Variants in SULF2 observed in about 807,000 individuals in gnomAD.
The protein encoded by SULF2 is extracellular sulfatase Sulf-2.
A neutral mutation model predicts 107.7 loss-of-function variants in SULF2; 52 were observed. The observed-to-expected ratio is 0.48, with a 90% CI of 0.39 to 0.61. The LOEUF (loss-of-function observed/expected upper bound fraction) is 0.61. Ranked by LOEUF, SULF2 falls within the 20% of genes least tolerant of loss-of-function variation. The pLI, the probability that SULF2 is intolerant of heterozygous loss-of-function variation, is 0.00. For synonymous variants in SULF2, 460 were observed against 464.3 expected (o/e 0.99, Z 0.12); for missense variants, 993 against 1,177.3 (o/e 0.84, Z 2.29).
At position 47,736,575 on chromosome 20, in the gene SULF2, A is replaced by C. The variant is rs2089735061; in HGVS notation, c.415+128T>G. On this transcript the variant is annotated intron_variant, in intron 3 of 20. Transcript: ENST00000688720. The stretch of plus-strand genomic sequence containing the variant: ...ACAGAAATAAATGCACAACTCTGAA[A>C]TTATAAGAGAGTTGCTCTAGGGGCT... The C allele has an allele frequency of 5.4e-6, 7 of 1,284,618 alleles. No individual in the cohort carries two copies. The South Asian group carries it at 8.9e-5, about 16-fold the overall frequency. 79.6% of individuals were successfully genotyped at this position (1,284,618 alleles called of 1,614,324 possible). A position where few individuals can be genotyped will look rare whatever the true frequency, so the allele number is the denominator to read the frequency against.
At chr20:47,667,351 G>A (rs1320653833) in intron 11 of SULF2, among the ~76,000 whole-genome samples, 2 of 152,124 alleles carry the variant, frequency 1.3e-5, no homozygotes, top group African/African-American at 4.8e-5. Flanking sequence ...GGCTGAGGGG[G>A]GCTTTTGCAT....
chr20:47,700,530 C>T (rs12480922), intron 4 of SULF2, among the ~76,000 whole-genome samples: 78,332 of 151,906 alleles, frequency 0.52, 20,793 homozygotes, highest in Admixed American at 0.62. Context: ...AATGAAACAC[C>T]GCTACATGCC....
At position 47,675,048 on chromosome 20, in the gene SULF2, A is replaced by AG. The variant is rs530510077; in HGVS notation, c.1380+1445_1380+1446insC. The stretch of plus-strand genomic sequence containing the variant: ...TGCTCTGATTGTTTGGAAAATGCTG[A>AG]TACCTCCTCTTTCTTGGCCCCAGCA... On this transcript the variant is annotated intron_variant, in intron 10 of 20. Coordinates refer to ENST00000688720, the MANE Select transcript of SULF2 (RefSeq NM_001387048.1). Among the ~76,000 whole-genome samples the AG allele has an allele frequency of 2.1e-3, 315 of 152,250 alleles. 1 individual carries two copies. The highest frequency in any genetic ancestry group is 7.4e-3 in the African/African-American group (307 of 41,538).
chr20:47,720,405 A>G (rs974412654), intron 3 of SULF2, among the ~76,000 whole-genome samples: 2 of 151,574 alleles, frequency 1.3e-5, no homozygotes, highest in Non-Finnish European at 2.9e-5. Context: ...ACAGGTGCAC[A>G]CCACCACGCC....
chr20:47,745,393 AAAAAAAAAAAAAAAAAAATATAT>A (rs1457681075), intron 2 of SULF2, among the ~76,000 whole-genome samples: 5 of 16,778 alleles, frequency 3.0e-4, no homozygotes, highest in African/African-American at 2.1e-3. Context: ...AAAAAAAAAA[AAAAAAAAAAAAAAAAAAATATAT>A]ATATATATAT....
intron 1 of SULF2, among the ~76,000 whole-genome samples, chr20:47,779,143 G>C (rs1048164355): frequency 1.3e-5 from 2 of 152,100 alleles, no homozygotes; most frequent in African/African-American, 4.8e-5. Flanking sequence ...TTGACTCCTT[G>C]GCAGGATACA....
At position 47,666,468 on chromosome 20, in the gene SULF2, G is replaced by A. The variant is rs140175454; in HGVS notation, c.1597C>T (p.Arg533Cys). Reference sequence around the variant, plus strand: ...GCCACTGAGCGGATGGAGCGACTGCGGACATAGCTGGCCTTGTACTCTGTG... The same window carrying A: ...GCCACTGAGCGGATGGAGCGACTGCAGACATAGCTGGCCTTGTACTCTGTG... ...FKKKYKASYV[R>C]SRSIRSVAIE... Residue 533 changes from arginine (R) to cysteine (C), a missense_variant, in exon 12 of 21, where the codon CGC becomes TGC. This residue lies in a region of SULF2 where 497 missense variants were observed against 544.1 expected (regional missense o/e 0.91). Transcript: ENST00000688720. The surrounding 1 kb of genome is among the most constrained non-coding windows in gnomAD (Gnocchi z 5.4). The A allele has an allele frequency of 2.3e-5, 37 of 1,613,192 alleles. No individual in the cohort carries two copies. Among genetic ancestry groups the A allele is most frequent in the Non-Finnish European group, 3.0e-5 (35 of 1,180,010 alleles).
At chr20:47,702,435 G>A in intron 4 of SULF2, 84 bp downstream of exon 4, 2 of 1,503,482 alleles carry the variant, frequency 1.3e-6, no homozygotes, top group Non-Finnish European at 1.8e-6. Flanking sequence ...GTCACAATCT[G>A]AACCCAAGTA....
chr20:47,675,428 G>A (rs2087610110), intron 10 of SULF2, among the ~76,000 whole-genome samples: 1 of 152,326 alleles, frequency 6.6e-6, no homozygotes, highest in African/African-American at 2.4e-5. Flanking sequence ...CGGGTTAATT[G>A]TGTGACTAAG....
Position 47,666,184 on chromosome 20 carries a change from G to A in SULF2, c.1805+76C>T, listed in dbSNP as rs777522247. 1.2e-6 allele frequency: 2 copies of A among 1,610,986 alleles called. No homozygotes were observed. Among genetic ancestry groups the A allele is most frequent in the Non-Finnish European group, 1.7e-6 (2 of 1,179,368 alleles). ...ATCCTTGTCATCTTGGTCCTCAGGG[G>A]CCCAAGAGGTGTGGGAAGCCCTTTG... On this transcript the variant is annotated intron_variant, in intron 12 of 20. Transcript: ENST00000688720. This position sits in a 1 kb window ranked among gnomAD's most constrained non-coding sequence, Gnocchi z 5.4.
intron 1 of SULF2, among the ~76,000 whole-genome samples, chr20:47,783,053 G>A (rs1006956521): frequency 3.9e-5 from 6 of 152,266 alleles, no homozygotes; most frequent in African/African-American, 1.4e-4. Context: ...CTCTGTGCCT[G>A]TTTCCTCATC....
chr20:47,679,003 C>G (rs567386497), intron 7 of SULF2, among the ~76,000 whole-genome samples, 199 bp from the exon 8 acceptor site: 1 of 140,282 alleles, frequency 7.1e-6, no homozygotes, highest in African/African-American at 2.6e-5. Context: ...CTGTGCTCGC[C>G]CCCCCTTAGT....
chr20:47,746,614 G>T (rs570761031), intron 2 of SULF2, among the ~76,000 whole-genome samples: 5 of 152,276 alleles, frequency 3.3e-5, no homozygotes, highest in African/African-American at 1.2e-4. Flanking sequence ...GGAGAGAAAG[G>T]CCTGGGGCAC....
intron 17 of SULF2, among the ~76,000 whole-genome samples, 176 bp downstream of exon 17, chr20:47,662,894 A>AGCAGGGTGATGG (rs71183271): frequency 3.8e-4 from 58 of 152,076 alleles, no homozygotes; most frequent in Non-Finnish European, 4.3e-4. Flanking sequence ...GGAGGCAAAA[A>AGCAGGGTGATGG]AGGCTGATTG....
chr20:47,686,656 C>T (rs148702626), intron 5 of SULF2, among the ~76,000 whole-genome samples: 9 of 152,318 alleles, frequency 5.9e-5, no homozygotes, highest in African/African-American at 9.6e-5. Flanking sequence ...CCTGGTACGT[C>T]GGGACTTCAG....
rs1268807701 is a variant in SULF2 at position 47,785,451 on chromosome 20, T to TGCTGCCGCCGCC, written c.-210_-209insGGCGGCGGCAGC. 2.0e-5 allele frequency: 3 copies of TGCTGCCGCCGCC among 146,566 alleles called. No individual in the cohort carries two copies. Among genetic ancestry groups the TGCTGCCGCCGCC allele is most frequent in the South Asian group, 1.9e-4 (1 of 5,398 alleles). 9.1% of individuals were successfully genotyped at this position (146,566 alleles called of 1,614,324 possible). A position where few individuals can be genotyped will look rare whatever the true frequency, so the allele number is the denominator to read the frequency against. ...GGGGACTCCGCGCCGCCGCTGCCGC[T>TGCTGCCGCCGCC]GCCGCCGCCGCCGCCGCCGCTGCCG... On this transcript the variant is annotated 5_prime_UTR_variant, in exon 1 of 21. Coordinates refer to ENST00000688720, the MANE Select transcript of SULF2 (RefSeq NM_001387048.1).
At chr20:47,675,549 C>G (rs1489854161) in intron 10 of SULF2, among the ~76,000 whole-genome samples, 4 of 152,198 alleles carry the variant, frequency 2.6e-5, no homozygotes, top group African/African-American at 4.8e-5. Context: ...CAAATGCAGT[C>G]CATCAGAAAC....
chr20:47,776,152 A>C (rs2090720807), intron 1 of SULF2, among the ~76,000 whole-genome samples: 2 of 152,232 alleles, frequency 1.3e-5, no homozygotes, highest in Admixed American at 1.3e-4. Context: ...ATTGGTTCAC[A>C]ATGTCAGGCT....
chr20:47,692,710 A>T (rs1369645640), intron 4 of SULF2, among the ~76,000 whole-genome samples: 2 of 152,216 alleles, frequency 1.3e-5, no homozygotes, highest in Non-Finnish European at 2.9e-5. Context: ...CCTGGTCTCA[A>T]GCAATCCTCC....
Sources: gnomAD v4.1 joint callset for allele counts (sites outside exome capture counted in the v4.1 genomes callset) on GRCh38, gnomAD v4.1.1 for gene constraint, gnomAD v4.1.1 regional missense constraint, Gnocchi (gnomAD v3.1) non-coding constraint, MANE v1.5 for transcripts, NCBI Gene and HGNC (gene_info 2026-07-23, HGNC 2026-07-21) for gene names.